The following ALPL variants were observed in gnomAD, a reference collection of about 807,000 sequenced individuals.
The protein encoded by ALPL is alkaline phosphatase, tissue-nonspecific isozyme.
Under a neutral mutation model 51.3 loss-of-function variants are expected in ALPL, and 42 were observed. That is an observed-to-expected ratio of 0.82 (90% CI 0.64 to 1.06). ALPL has a LOEUF of 1.06. Ranked by LOEUF, ALPL falls within the 50% of genes least tolerant of loss-of-function variation. The probability of loss-of-function intolerance (pLI) is 0.00; values close to 1 mark genes in which losing one functional copy is unlikely to be tolerated. For synonymous variants in ALPL, 279 were observed against 296.4 expected, an observed-to-expected ratio of 0.94 and a Z score of 0.60; for missense variants, 589 against 709.4, an observed-to-expected ratio of 0.83 and a Z score of 1.93.
Position 21,530,372 on chromosome 1 carries a change from C to T in ALPL, c.-105+20855C>T, listed in dbSNP as rs139373453. On this transcript the variant is annotated intron_variant, in intron 1 of 11. Transcript: ENST00000374840. ...GAAGTCATTGTGCTCCTTGGATACT[C>T]TGTTCTTTAACTTGTGAGCTTACTC... 2.0e-3 allele frequency among the ~76,000 whole-genome samples: 310 copies of T among 152,320 alleles called. 2 individuals are homozygous for T. The highest frequency in any genetic ancestry group is 6.9e-3 in the African/African-American group (288 of 41,566).
intron 6 of ALPL, among the ~76,000 whole-genome samples, chr1:21,565,256 C>T (rs1193524242): frequency 2.0e-5 from 3 of 152,180 alleles, no homozygotes; most frequent in South Asian, 2.1e-4. Context: ...ATTAAGTACC[C>T]GCTTTCAGGA....
At chr1:21,561,259 C>G in intron 4 of ALPL, 47 bp downstream of exon 4, 1 of 1,497,350 alleles carries the variant, frequency 6.7e-7, no homozygotes, top group East Asian at 2.4e-5. Context: ...ATCCAGTATC[C>G]AGGTCGAGCA....
At position 21,563,234 on chromosome 1, in the gene ALPL, C is replaced by T. The variant is rs916300043; in HGVS notation, c.422C>T (p.Thr141Ile). 9.9e-6 allele frequency: 16 copies of T among 1,613,688 alleles called. No individual in the cohort carries two copies. The highest frequency in any genetic ancestry group is 1.4e-5 in the Non-Finnish European group (16 of 1,179,964). ...SAATERSRCNTTQGNEVTSIL... is the reference protein window; with the variant it reads ...SAATERSRCNITQGNEVTSIL... ...GCCACTGAGCGTTCCCGGTGCAACACCACCCAGGGGAACGAGGTCACCTCC... is the reference window on the plus strand; with the variant it reads ...GCCACTGAGCGTTCCCGGTGCAACATCACCCAGGGGAACGAGGTCACCTCC... The change falls in exon 5 of 12, where the codon ACC (threonine) becomes ATC (isoleucine). Residue 141 changes from threonine to isoleucine, a missense_variant. By Grantham distance (89) the Thr-to-Ile change is moderately conservative. Transcript: ENST00000374840.
chr1:21,573,787 T>C lies in ALPL; in HGVS notation c.985T>C (p.Leu329=). ...GCGGAAGAACCCCAAAGGCTTCTTC[T>C]TGCTGGTGGAAGGTAGGGACCCCGG... ...ILRKNPKGFF[L]LVEGGRIDHG... Residue 329 remains leucine (L), a synonymous_variant, in exon 9 of 12, where the codon TTG becomes CTG. Transcript: ENST00000374840. 1 of 1,614,174 alleles carries C rather than the reference T, an allele frequency of 6.2e-7. No individual in the cohort carries two copies.
chr1:21,553,508 A>G (rs1644358683), intron 1 of ALPL, among the ~76,000 whole-genome samples: 1 of 152,204 alleles, frequency 6.6e-6, no homozygotes, highest in East Asian at 1.9e-4. Flanking sequence ...GTGCTGTAGA[A>G]CAGGGCTTCT....
intron 10 of ALPL, 116 bp from the exon 11 acceptor site, chr1:21,576,406 G>A (rs1358398956): frequency 5.7e-6 from 8 of 1,406,842 alleles, no homozygotes; most frequent in Non-Finnish European, 7.8e-6. Flanking sequence ...AGGCATTGCA[G>A]GGCCCTTCAA....
At chr1:21,517,802 G>A (rs556012549) in intron 1 of ALPL, among the ~76,000 whole-genome samples, 1 of 152,244 alleles carries the variant, frequency 6.6e-6, no homozygotes, top group South Asian at 2.1e-4. Flanking sequence ...CGAATAGCCA[G>A]CATGTCTCCT....
rs901959931 is a variant in ALPL, at chr1:21,577,794, C to T, written c.*146C>T. On this transcript the variant is annotated 3_prime_UTR_variant, in exon 12 of 12. Transcript: ENST00000374840. ...ACCCAAGAAACCAAAGTCTGCCGCCCACCTCGCTCCCCTCTGGAATCTTCC... is the reference window on the plus strand; with the variant it reads ...ACCCAAGAAACCAAAGTCTGCCGCCTACCTCGCTCCCCTCTGGAATCTTCC... 14 of 1,088,894 alleles carry T rather than the reference C, an allele frequency of 1.3e-5. No homozygotes were observed. The highest frequency in any genetic ancestry group is 7.8e-5 in the Admixed American group (3 of 38,294). The allele number at this position is 1,088,894 out of a possible 1,614,324, so 67.5% of individuals were successfully genotyped here.
intron 1 of ALPL, among the ~76,000 whole-genome samples, chr1:21,532,218 G>A (rs1019826352): frequency 6.6e-6 from 1 of 152,022 alleles, no homozygotes; most frequent in Admixed American, 6.6e-5. Context: ...TTGAAATGGA[G>A]TCTTGCTTTG....
At chr1:21,541,123 C>T (rs1166307095) in intron 1 of ALPL, among the ~76,000 whole-genome samples, 2 of 152,134 alleles carry the variant, frequency 1.3e-5, no homozygotes, top group Non-Finnish European at 2.9e-5. Context: ...GTGGCTTGAT[C>T]GAGTGGGCGG....
intron 1 of ALPL, among the ~76,000 whole-genome samples, chr1:21,510,288 C>G (rs908000883): frequency 8.5e-5 from 13 of 152,208 alleles, no homozygotes; most frequent in African/African-American, 3.1e-4. Flanking sequence ...CCCCCACTCC[C>G]CATTGTGCCT....
At position 21,571,212 on chromosome 1, in the gene ALPL, C is replaced by T. The variant is rs181760579; in HGVS notation, c.862+838C>T. Among the ~76,000 whole-genome samples, 14 of 152,360 alleles carry T rather than the reference C, an allele frequency of 9.2e-5. No individual in the cohort carries two copies. The East Asian group carries it at 2.7e-3, about 29-fold the overall frequency. On this transcript the variant is annotated intron_variant, in intron 8 of 11. Coordinates refer to ENST00000374840, the MANE Select transcript of ALPL (RefSeq NM_000478.6). ...CTGTGTGACCTTGGGCAAGTGATTT[C>T]TCCTCTTTCTGCCTCAGTTTCCTCT...
At chr1:21,535,693 A>G (rs1238373748) in intron 1 of ALPL, among the ~76,000 whole-genome samples, 1 of 152,148 alleles carries the variant, frequency 6.6e-6, no homozygotes, top group Non-Finnish European at 1.5e-5. Context: ...TCAGGCAGAC[A>G]GGAAGCTCAT....
At chr1:21,525,243 C>T (rs1643926893) in intron 1 of ALPL, among the ~76,000 whole-genome samples, 1 of 152,238 alleles carries the variant, frequency 6.6e-6, no homozygotes, top group East Asian at 1.9e-4. Context: ...CCAAACGGAG[C>T]TCAGCTGGGC....
chr1:21,542,623 C>T (rs529529153), intron 1 of ALPL, among the ~76,000 whole-genome samples: 3 of 152,326 alleles, frequency 2.0e-5, no homozygotes, highest in Middle Eastern at 3.4e-3. Context: ...GGGCGGATCA[C>T]GTGAGGCCAG....
At chr1:21,577,334 G>A in intron 11 of ALPL, 49 bp from the exon 12 acceptor site, 3 of 1,612,440 alleles carry the variant, frequency 1.9e-6, no homozygotes, top group South Asian at 2.2e-5. Flanking sequence ...TGCGTGCGCA[G>A]CGCCAGGCCC....
In ALPL at chr1:21,572,921, G is replaced by A. The variant is rs529850647; in HGVS notation, c.863-744G>A. Reference sequence around the variant, plus strand: ...CATGTAAATGCACACACACTCTAGCGGCCCCATCGAGTCCAGGCTGTGACC... The same window carrying A: ...CATGTAAATGCACACACACTCTAGCAGCCCCATCGAGTCCAGGCTGTGACC... On this transcript the variant is annotated intron_variant, in intron 8 of 11. Transcript: ENST00000374840. 7.9e-5 allele frequency among the ~76,000 whole-genome samples: 12 copies of A among 152,324 alleles called. No homozygotes were observed. The South Asian group carries it at 2.5e-3, about 32-fold the overall frequency.
chr1:21,573,728 T>C lies in ALPL; in HGVS notation c.926T>C (p.Leu309Pro). The C allele has an allele frequency of 6.2e-7, 1 of 1,614,032 alleles. No homozygotes were observed. ...LNRNNVTDPS[L>P]SEMVVVAIQI... The stretch of plus-strand genomic sequence containing the variant: ...AGGAACAACGTGACGGACCCGTCAC[T>C]CTCCGAGATGGTGGTGGTGGCCATC... The change falls in exon 9 of 12, where the codon CTC (leucine) becomes CCC (proline). Residue 309 changes from leucine (L) to proline (P), a missense_variant. By Grantham distance (98) the Leu-to-Pro change is moderately conservative (BLOSUM62 -3). Coordinates refer to ENST00000374840, the MANE Select transcript of ALPL (RefSeq NM_000478.6).
intron 1 of ALPL, among the ~76,000 whole-genome samples, chr1:21,520,499 G>T (rs1324822308): frequency 4.3e-5 from 5 of 116,800 alleles, no homozygotes; most frequent in African/African-American, 1.7e-4. Flanking sequence ...ACGGAGTCTC[G>T]CCCTGTCGCC....
Sources: allele counts gnomAD v4.1 joint callset (sites outside exome capture counted in the v4.1 genomes callset), GRCh38; gene constraint gnomAD v4.1.1; transcripts MANE v1.5; gene names NCBI Gene and HGNC (gene_info 2026-07-23, HGNC 2026-07-21).